Variants in FAM20C observed in about 807,000 individuals in gnomAD.
The protein encoded by FAM20C is extracellular serine/threonine protein kinase FAM20C.
FAM20C carries 40 observed loss-of-function variants against 51.5 expected under a neutral mutation model. The ratio of observed to expected loss-of-function variants is 0.78; its 90% CI spans 0.60 to 1.01. The LOEUF is 1.01. FAM20C is among the 50% of genes least tolerant of loss of function. FAM20C has a pLI of 0.00. For synonymous variants in FAM20C, 406 were observed against 380.6 expected (o/e 1.07, Z -0.78); for missense variants, 861 against 844.7 (o/e 1.02, Z -0.24).
At chr7:249,748 A>G (rs969904136) in intron 5 of FAM20C, among the ~76,000 whole-genome samples, 3 of 152,122 alleles carry the variant, frequency 2.0e-5, no homozygotes, top group African/African-American at 7.2e-5. Context: ...TCAAAAAAAA[A>G]GAAAAGAAAA....
chr7:228,328 G>A, intron 3 of FAM20C: 14 of 382,714 alleles, frequency 3.7e-5, no homozygotes, highest in South Asian at 2.6e-4. Flanking sequence ...CATTGGAAAA[G>A]CTTGGAAATC....
chr7:205,269 C>CCCCCGAG (rs1332338715), intron 2 of FAM20C, among the ~76,000 whole-genome samples: 20 of 149,942 alleles, frequency 1.3e-4, no homozygotes, highest in African/African-American at 4.0e-4. Context: ...CGACGTCAGC[C>CCCCCGAG]TCCCGAGTAG....
At chr7:202,800 T>C (rs926349947) in intron 2 of FAM20C, among the ~76,000 whole-genome samples, 2 of 152,072 alleles carry the variant, frequency 1.3e-5, no homozygotes, top group Admixed American at 6.6e-5. Flanking sequence ...CTGGGTGGGA[T>C]TGCACTGGGG....
chr7:213,822 T>C (rs1048466873), intron 3 of FAM20C, among the ~76,000 whole-genome samples: 5 of 152,024 alleles, frequency 3.3e-5, no homozygotes, highest in African/African-American at 1.2e-4. Context: ...CTCGTCAGCG[T>C]GTGCTGTTGT....
chr7:226,514 G>A (rs947052129), intron 3 of FAM20C, among the ~76,000 whole-genome samples: 3 of 152,208 alleles, frequency 2.0e-5, no homozygotes, highest in African/African-American at 2.4e-5. Flanking sequence ...CCACACGGCC[G>A]CCCGGCTGGG....
intron 3 of FAM20C, among the ~76,000 whole-genome samples, chr7:211,630 A>ACGGATGGGCTGGG (rs1412660881): frequency 2.0e-5 from 3 of 151,984 alleles, no homozygotes; most frequent in Non-Finnish European, 4.4e-5. Context: ...GAGGCTGCTG[A>ACGGATGGGCTGGG]CGGATGGGCT....
chr7:216,010 G>C (rs1468459490), intron 3 of FAM20C, among the ~76,000 whole-genome samples: 1 of 1,128 alleles, frequency 8.9e-4, no homozygotes, highest in African/African-American at 6.6e-3. Context: ...GGATGGGGCT[G>C]GGTGGGGGGA....
At chr7:210,884 G>A (rs1005672230) in intron 3 of FAM20C, among the ~76,000 whole-genome samples, 10 of 152,150 alleles carry the variant, frequency 6.6e-5, no homozygotes, top group African/African-American at 1.2e-4. Context: ...GGGAACCGGC[G>A]TCTCGTGGGC....
At chr7:230,794 AATAATATACTGAATAATACCTATCG>A (rs2115117292) in intron 3 of FAM20C, among the ~76,000 whole-genome samples, 1 of 43,446 alleles carries the variant, frequency 2.3e-5, no homozygotes, top group South Asian at 1.1e-3. Flanking sequence ...TACTGCTCTC[AATAATATACTGAATAATACCTATCG>A]GTTAATGAAG....
chr7:249,792 GTCC>G (rs1449040018), intron 5 of FAM20C, among the ~76,000 whole-genome samples: 5 of 152,136 alleles, frequency 3.3e-5, no homozygotes, highest in Non-Finnish European at 5.9e-5. Flanking sequence ...CGAGGGCTCA[GTCC>G]TCCTCTCCAA....
At chr7:243,821 C>T (rs947922977) in intron 3 of FAM20C, among the ~76,000 whole-genome samples, 1 of 152,048 alleles carries the variant, frequency 6.6e-6, no homozygotes, top group Admixed American at 6.6e-5. Flanking sequence ...AGTTTCCTAG[C>T]GGCTTTATCA....
chr7:256,051 T>G lies in FAM20C; in HGVS notation c.1253+22T>G, dbSNP rs1788578641. The G allele has an allele frequency of 3.3e-6, 5 of 1,531,044 alleles. No individual in the cohort carries two copies. In the East Asian group the frequency reaches 1.2e-4, roughly 38 times the overall value. The allele number at this position is 1,531,044 out of a possible 1,614,324, so 94.8% of individuals were successfully genotyped here. ...CCGAGTGAGTGCGGGGCCGGGGGGC[T>G]GGCGTCCGGCCACCCTACGGCAGAG... On this transcript the variant is annotated intron_variant, in intron 6 of 9. Coordinates refer to ENST00000313766, the MANE Select transcript of FAM20C (RefSeq NM_020223.4).
chr7:206,531 G>A (rs533085486), intron 2 of FAM20C, among the ~76,000 whole-genome samples: 4 of 148,284 alleles, frequency 2.7e-5, no homozygotes, highest in South Asian at 2.1e-4. Context: ...TGGTCCCCTC[G>A]GCCCTGCACA....
chr7:255,551 C>T (rs1029613859), intron 5 of FAM20C, among the ~76,000 whole-genome samples: 6 of 152,190 alleles, frequency 3.9e-5, no homozygotes, highest in African/African-American at 1.4e-4. Flanking sequence ...AATATGAATG[C>T]ATTTTTTAAA....
chr7:259,231 G>C (rs959023961), intron 9 of FAM20C, among the ~76,000 whole-genome samples: 1 of 148,376 alleles, frequency 6.7e-6, no homozygotes, highest in South Asian at 2.1e-4. Context: ...CATCCTCCTG[G>C]GTGAGCGGGC....
intron 3 of FAM20C, among the ~76,000 whole-genome samples, chr7:222,893 G>C (rs901946506): frequency 6.6e-6 from 1 of 151,486 alleles, no homozygotes; most frequent in African/African-American, 2.4e-5. Flanking sequence ...ACGTGTACAT[G>C]TGTAACGTGT....
intron 3 of FAM20C, among the ~76,000 whole-genome samples, chr7:218,132 C>A (rs1409258900): frequency 6.6e-6 from 1 of 152,176 alleles, no homozygotes; most frequent in Non-Finnish European, 1.5e-5. Context: ...GTCTGTGAAA[C>A]GGGGTCACAC....
At chr7:209,970 T>TC (rs763351971) in intron 3 of FAM20C, among the ~76,000 whole-genome samples, 8 of 151,642 alleles carry the variant, frequency 5.3e-5, no homozygotes, top group Non-Finnish European at 1.2e-4. Flanking sequence ...GCCCCGGTCT[T>TC]CCCCCAAGAC....
chr7:258,998 C>G (rs1788759112), intron 9 of FAM20C, among the ~76,000 whole-genome samples: 1 of 152,250 alleles, frequency 6.6e-6, no homozygotes. Flanking sequence ...CAGACGCCAG[C>G]TGAGACACAG....
Sources: allele counts gnomAD v4.1 joint callset (sites outside exome capture counted in the v4.1 genomes callset), GRCh38; gene constraint gnomAD v4.1.1; transcripts MANE v1.5; gene names NCBI Gene and HGNC (gene_info 2026-07-23, HGNC 2026-07-21).